The following PPP2R5E variants were observed in gnomAD, a reference collection of about 807,000 sequenced individuals.
The protein encoded by PPP2R5E is protein phosphatase 2 regulatory subunit B'epsilon.
In PPP2R5E, 4 loss-of-function variants were observed where a neutral mutation model predicts 65.3. The observed-to-expected ratio is 0.06, with a 90% confidence interval of 0.03 to 0.14. The LOEUF (loss-of-function observed/expected upper bound fraction) is 0.14, where lower values mean the gene tolerates loss of function less well. PPP2R5E is among the 10% of genes least tolerant of loss of function. The pLI is 1.00. For missense variants in PPP2R5E, 274 were observed against 556.1 expected, an observed-to-expected ratio of 0.49 and a Z score of 5.10; for synonymous variants, 183 against 187.4, an observed-to-expected ratio of 0.98 and a Z score of 0.19.
chr14:63,390,159 G>A (rs1436633759), intron 10 of PPP2R5E, among the ~76,000 whole-genome samples: 1 of 151,768 alleles, frequency 6.6e-6, no homozygotes, highest in Admixed American at 6.6e-5. Context: ...TGCCAAATAC[G>A]TACAGCCCCT....
chr14:63,397,444 G>A (rs1426782542), intron 5 of PPP2R5E, among the ~76,000 whole-genome samples: 4 of 139,806 alleles, frequency 2.9e-5, no homozygotes, highest in Non-Finnish European at 6.1e-5. Flanking sequence ...AGAGGTTACA[G>A]TGAGCTGCGA....
At chr14:63,394,365 G>A (rs549826324) in intron 7 of PPP2R5E, among the ~76,000 whole-genome samples, 3 of 152,068 alleles carry the variant, frequency 2.0e-5, no homozygotes, top group Non-Finnish European at 4.4e-5. Context: ...GATAATAGGC[G>A]TGAGCCACCA....
intron 2 of PPP2R5E, among the ~76,000 whole-genome samples, chr14:63,459,235 C>A (rs892099065): frequency 6.6e-6 from 1 of 152,292 alleles, no homozygotes; most frequent in East Asian, 1.9e-4. Context: ...CTAGCATATG[C>A]GGTAAAATGC....
intron 2 of PPP2R5E, among the ~76,000 whole-genome samples, chr14:63,469,876 C>T (rs1890030225): frequency 1.3e-5 from 2 of 152,172 alleles, no homozygotes; most frequent in Non-Finnish European, 2.9e-5. Context: ...AGAACCAAGG[C>T]TGCAAGATAT....
At chr14:63,518,362 C>T (rs1404836092) in intron 2 of PPP2R5E, among the ~76,000 whole-genome samples, 1 of 152,152 alleles carries the variant, frequency 6.6e-6, no homozygotes, top group African/African-American at 2.4e-5. Flanking sequence ...CTGCCTTAGC[C>T]TCTGGAGTAG....
chr14:63,505,772 C>T (rs1213544957), intron 2 of PPP2R5E, among the ~76,000 whole-genome samples: 1 of 152,204 alleles, frequency 6.6e-6, no homozygotes, highest in Non-Finnish European at 1.5e-5. Context: ...ACATACTACC[C>T]TATTACCCAC....
intron 8 of PPP2R5E, 119 bp from the exon 9 acceptor site, chr14:63,392,144 A>G: frequency 1.6e-6 from 1 of 618,544 alleles, no homozygotes; most frequent in South Asian, 2.8e-5. Flanking sequence ...TTCACATTCA[A>G]TTCATTTTAA....
intron 3 of PPP2R5E, chr14:63,452,661 G>A (rs765356452): frequency 2.4e-4 from 37 of 152,162 alleles, no homozygotes; most frequent in Non-Finnish European, 5.1e-4. Context: ...GAATATATTG[G>A]GCATCGTTTT....
chr14:63,491,170 A>T (rs1891268554), intron 2 of PPP2R5E, among the ~76,000 whole-genome samples: 1 of 152,170 alleles, frequency 6.6e-6, no homozygotes, highest in Admixed American at 6.5e-5. Context: ...AGTAGGAGCT[A>T]AACATTGGGT....
At chr14:63,500,670 A>G (rs566634167) in intron 2 of PPP2R5E, among the ~76,000 whole-genome samples, 2 of 152,222 alleles carry the variant, frequency 1.3e-5, no homozygotes, top group African/African-American at 2.4e-5. Flanking sequence ...AGAGCAACAT[A>G]GATAGGCAAT....
At chr14:63,506,171 C>G (rs996876830) in intron 2 of PPP2R5E, among the ~76,000 whole-genome samples, 1 of 152,140 alleles carries the variant, frequency 6.6e-6, no homozygotes, top group African/African-American at 2.4e-5. Context: ...AAAAGATTGG[C>G]CGGGCGCAGT....
intron 3 of PPP2R5E, chr14:63,452,501 C>A (rs371025693): frequency 7.9e-5 from 12 of 152,338 alleles, no homozygotes; most frequent in African/African-American, 2.9e-4. Flanking sequence ...TCTCTAGACA[C>A]TGACAAATGT....
In PPP2R5E at chr14:63,399,366, CTTTTTTTTTTTTTTTTTTT is replaced by C. The variant is rs397814218; in HGVS notation, c.550-2669_550-2651del. 1.4e-3 allele frequency among the ~76,000 whole-genome samples: 69 copies of C among 48,524 alleles called. 1 individual carries two copies. Among genetic ancestry groups the C allele is most frequent in the Admixed American group, 3.6e-3 (11 of 3,020 alleles). 31.8% of individuals were successfully genotyped at this position (48,524 alleles called of 152,430 possible). On this transcript the variant is annotated intron_variant, in intron 5 of 13. Transcript: ENST00000337537. Reference sequence around the variant, plus strand: ...GCTACTAATAGGTCTGGATTTCTTTCTTTTTTTTTTTTTTTTTTTTTTTTTTTTTTTTGAGACAGAGTCT... The same window carrying C: ...GCTACTAATAGGTCTGGATTTCTTTCTTTTTTTTTTTTTGAGACAGAGTCT...
intron 3 of PPP2R5E, among the ~76,000 whole-genome samples, chr14:63,441,813 G>A (rs1251328492): frequency 2.6e-5 from 4 of 151,662 alleles, no homozygotes; most frequent in Non-Finnish European, 4.4e-5. Context: ...GGGAGGCTGA[G>A]GCAGGAGAAC....
At chr14:63,495,216 C>A (rs561862702) in intron 2 of PPP2R5E, among the ~76,000 whole-genome samples, 15 of 148,176 alleles carry the variant, frequency 1.0e-4, no homozygotes, top group East Asian at 1.0e-3. Flanking sequence ...GACACACACA[C>A]AAAAAAATTC....
intron 2 of PPP2R5E, among the ~76,000 whole-genome samples, chr14:63,511,972 A>T (rs550758059): frequency 6.6e-6 from 1 of 151,238 alleles, no homozygotes; most frequent in Non-Finnish European, 1.5e-5. Context: ...CCAGCTAGTC[A>T]GGAGGCTGAG....
chr14:63,445,924 C>A (rs1273905638), intron 3 of PPP2R5E, among the ~76,000 whole-genome samples: 1 of 152,130 alleles, frequency 6.6e-6, no homozygotes, highest in Non-Finnish European at 1.5e-5. Context: ...GCATGTGATG[C>A]TGTCTGATAG....
At chr14:63,522,331 A>C (rs1221292571) in intron 2 of PPP2R5E, among the ~76,000 whole-genome samples, 3 of 151,082 alleles carry the variant, frequency 2.0e-5, no homozygotes, top group Non-Finnish European at 1.5e-5. Context: ...TGGCCTCCCA[A>C]AGTGCCGAGA....
chr14:63,387,521 A>G (rs10135846), intron 11 of PPP2R5E, among the ~76,000 whole-genome samples: 22,994 of 151,822 alleles, frequency 0.15, 2,414 homozygotes, highest in East Asian at 0.48. Context: ...TGGCTACATA[A>G]GGCGGCCACT....
Sources: gnomAD v4.1 joint callset for allele counts (sites outside exome capture counted in the v4.1 genomes callset) on GRCh38, gnomAD v4.1.1 for gene constraint, MANE v1.5 for transcripts, NCBI Gene and HGNC (gene_info 2026-07-23, HGNC 2026-07-21) for gene names.